Variants in PHEX observed in about 807,000 individuals in gnomAD.
The protein encoded by PHEX is phosphate-regulating neutral endopeptidase PHEX.
Under a neutral mutation model 68.0 loss-of-function variants are expected in PHEX, and 16 were observed. The observed-to-expected ratio is 0.24, with a 90% CI of 0.16 to 0.36. The LOEUF (loss-of-function observed/expected upper bound fraction) is 0.36. PHEX is among the 10% of genes least tolerant of loss of function. The pLI is 1.00. For synonymous variants in PHEX, 208 were observed against 205.1 expected (o/e 1.01, Z -0.12); for missense variants, 480 against 575.5 (o/e 0.83, Z 1.70).
intron 6 of PHEX, 103 bp downstream of exon 6, chrX:22,090,600 T>C: frequency 1.8e-6 from 1 of 565,059 alleles, no homozygotes; most frequent in East Asian, 3.5e-5. Flanking sequence ...GTGTGGCTAT[T>C]CAATGACCAT....
chrX:22,247,475 T>C (rs1936423410), intron 21 of PHEX, among the ~76,000 whole-genome samples: 1 of 112,135 alleles, frequency 8.9e-6, no homozygotes, highest in African/African-American at 3.2e-5. Context: ...ATCTGGCAGA[T>C]AGTAATATGG....
At chrX:22,208,547 G>A (rs1569427572) in intron 15 of PHEX, among the ~76,000 whole-genome samples, 1 of 112,099 alleles carries the variant, frequency 8.9e-6, no homozygotes, top group Non-Finnish European at 1.9e-5. Flanking sequence ...ATTCTGTAGT[G>A]CACTTGTGCA....
chrX:22,234,262 C>T (rs1035689189), intron 20 of PHEX, among the ~76,000 whole-genome samples: 2 of 112,521 alleles, frequency 1.8e-5, no homozygotes, highest in African/African-American at 3.2e-5. Context: ...TCAGGATACA[C>T]GGGGGTCAGG....
intron 9 of PHEX, chrX:22,099,485 G>T: frequency 7.7e-5 from 14 of 181,819 alleles, no homozygotes; most frequent in East Asian, 1.5e-4. Context: ...TTTTTCCCCA[G>T]TTCATTCTCA....
rs59778211 is a variant in PHEX, at chrX:22,221,763, AG to A, written c.1899+26del. 133 of 1,190,665 alleles carry A rather than the reference AG, an allele frequency of 1.1e-4. No individual in the cohort carries two copies. In the African/African-American group the frequency reaches 1.5e-3, roughly 14 times the overall value. Reference sequence around the variant, plus strand: ...TTAAATGTGAGTACAACTGTGGCTAAGGGGGGCACCTTGTGGTTCATTTTTC... The same window carrying A: ...TTAAATGTGAGTACAACTGTGGCTAAGGGGGCACCTTGTGGTTCATTTTTC... On this transcript the variant is annotated intron_variant, in intron 18 of 21. Coordinates refer to ENST00000379374, the MANE Select transcript of PHEX (RefSeq NM_000444.6).
intron 12 of PHEX, chrX:22,162,630 T>C (rs1311442128): frequency 4.4e-5 from 5 of 112,633 alleles, no homozygotes; most frequent in Non-Finnish European, 7.5e-5. Flanking sequence ...GACAATGCTA[T>C]GAAATAGGTA....
At chrX:22,034,033 G>A (rs996451537) in intron 1 of PHEX, among the ~76,000 whole-genome samples, 1 of 112,235 alleles carries the variant, frequency 8.9e-6, no homozygotes, top group African/African-American at 3.2e-5. Context: ...AGTTAGGGTT[G>A]TGTGGTTGAA....
chrX:22,165,811 A>G (rs1344567708), intron 12 of PHEX, among the ~76,000 whole-genome samples: 1 of 112,011 alleles, frequency 8.9e-6, no homozygotes, highest in Admixed American at 9.5e-5. Context: ...AGTTTCTCTA[A>G]AGCAAGGGTT....
rs766280790 is a variant in PHEX, at chrX:22,231,685, GTCTA to G, written c.2070+4078_2070+4081del. On this transcript the variant is annotated intron_variant, in intron 20 of 21. Transcript: ENST00000379374. ...CCCTTATTAGTCTTTCTTGCTAGTG[GTCTA>G]TCTGTGTTGTTGATCTTTTCAAAAA... is the stretch of plus-strand genomic sequence containing the variant. 2.6e-3 allele frequency among the ~76,000 whole-genome samples: 292 copies of G among 111,175 alleles called. 2 individuals carry two copies. Among genetic ancestry groups the G allele is most frequent in the African/African-American group, 8.9e-3 (272 of 30,460 alleles).
At chrX:22,224,778 C>CAAAG (rs1383133506) in intron 18 of PHEX, among the ~76,000 whole-genome samples, 1 of 108,562 alleles carries the variant, frequency 9.2e-6, no homozygotes, top group Non-Finnish European at 1.9e-5. Context: ...TAATATTTTC[C>CAAAG]AAAGATTTGT....
At chrX:22,234,328 G>A (rs1234929284) in intron 20 of PHEX, among the ~76,000 whole-genome samples, 1 of 112,727 alleles carries the variant, frequency 8.9e-6, no homozygotes, top group African/African-American at 3.2e-5. Flanking sequence ...TGCGCTGGCT[G>A]TCAGGCAGGG....
At chrX:22,052,730 A>G (rs900865091) in intron 3 of PHEX, among the ~76,000 whole-genome samples, 4 of 110,209 alleles carry the variant, frequency 3.6e-5, no homozygotes, top group Admixed American at 3.0e-4. Context: ...TAAAATGGAG[A>G]TAAGAATATA....
chrX:22,038,451 T>C lies in PHEX; in HGVS notation c.119-18T>C. The C allele has an allele frequency of 8.8e-7, 1 of 1,135,936 alleles. No individual in the cohort carries two copies. The highest frequency in any genetic ancestry group is 2.2e-5 in the Admixed American group (1 of 45,896). 93.6% of individuals were successfully genotyped at this position (1,135,936 alleles called of 1,213,427 possible). ...GGTCTGCTACAACTCAGCCATTTAT[T>C]GTGGTCTGTTTTTTCAGTGAGTCAA... On this transcript the variant is annotated intron_variant, in intron 1 of 21. Transcript: ENST00000379374.
At chrX:22,043,252 T>C (rs1344694590) in intron 2 of PHEX, among the ~76,000 whole-genome samples, 3 of 112,318 alleles carry the variant, frequency 2.7e-5, no homozygotes, top group Non-Finnish European at 5.6e-5. Context: ...GGATGCTTAG[T>C]GAAATTTGAT....
intron 6 of PHEX, 143 bp downstream of exon 6, chrX:22,090,640 G>T: frequency 4.0e-6 from 2 of 504,083 alleles, no homozygotes; most frequent in Non-Finnish European, 7.1e-6. Flanking sequence ...TTTTATTCAG[G>T]CAGATAAATT....
chrX:22,247,294 T>C (rs372552894), intron 21 of PHEX, among the ~76,000 whole-genome samples: 2 of 112,405 alleles, frequency 1.8e-5, no homozygotes, highest in East Asian at 5.6e-4. Context: ...CTTATAGACA[T>C]TATATTCAGT....
At chrX:22,126,778 G>A (rs1490250481) in intron 11 of PHEX, among the ~76,000 whole-genome samples, 1 of 109,175 alleles carries the variant, frequency 9.2e-6, no homozygotes, top group Non-Finnish European at 1.9e-5. Flanking sequence ...GATAACACTG[G>A]TTGAGGAAGA....
chrX:22,035,285 TTTC>T (rs1382470929), intron 1 of PHEX, among the ~76,000 whole-genome samples: 1 of 111,519 alleles, frequency 9.0e-6, no homozygotes, highest in East Asian at 2.8e-4. Flanking sequence ...ATGGAAAACC[TTTC>T]TTCTTCTCCT....
At chrX:22,219,972 C>T (rs952944456) in intron 17 of PHEX, among the ~76,000 whole-genome samples, 1 of 111,898 alleles carries the variant, frequency 8.9e-6, no homozygotes, top group Admixed American at 9.5e-5. Context: ...ATAGGATATG[C>T]TTTGTATCCC....
Sources: allele counts gnomAD v4.1 joint callset (sites outside exome capture counted in the v4.1 genomes callset), GRCh38; gene constraint gnomAD v4.1.1; transcripts MANE v1.5; gene names NCBI Gene and HGNC (gene_info 2026-07-23, HGNC 2026-07-21).